BNC2: variants seen among roughly 807,000 people sequenced by gnomAD.
BNC2 encodes the protein basonuclin zinc finger protein 2.
In BNC2, 20 loss-of-function variants were observed where a neutral mutation model predicts 76.3. The observed-to-expected ratio is 0.26, with a 90% confidence interval of 0.18 to 0.38. The LOEUF (loss-of-function observed/expected upper bound fraction) is 0.38. Ranked by LOEUF, BNC2 falls within the 10% of genes least tolerant of loss-of-function variation. BNC2 has a pLI of 1.00. For missense variants in BNC2, 1,382 were observed against 1,399.8 expected (o/e 0.99, Z 0.20); for synonymous variants, 582 against 514.8 (o/e 1.13, Z -1.77).
intron 5 of BNC2, among the ~76,000 whole-genome samples, chr9:16,463,994 T>C (rs1330554325): frequency 7.0e-6 from 1 of 143,396 alleles, no homozygotes; most frequent in Non-Finnish European, 1.5e-5. Context: ...TACTTGAGGC[T>C]GAAACAAGAG....
chr9:16,419,702 G>A, intron 6 of BNC2, 53 bp from the exon 7 acceptor site: 1 of 1,016,032 alleles, frequency 9.8e-7, no homozygotes, highest in East Asian at 2.9e-5. Context: ...GGGGAAAGGT[G>A]AGAAAAAGGA....
chr9:16,814,792 A>C (rs1254675100), intron 1 of BNC2, among the ~76,000 whole-genome samples: 2 of 152,218 alleles, frequency 1.3e-5, no homozygotes, highest in Non-Finnish European at 2.9e-5. Flanking sequence ...CCTATACATT[A>C]TGGTGATTCT....
intron 3 of BNC2, among the ~76,000 whole-genome samples, chr9:16,613,218 G>A (rs1485483364): frequency 6.6e-6 from 1 of 152,162 alleles, no homozygotes; most frequent in Non-Finnish European, 1.5e-5. Context: ...GAGCCTGTAT[G>A]CCTATTGTGC....
chr9:16,562,120 C>A (rs1819034223), intron 4 of BNC2, among the ~76,000 whole-genome samples: 1 of 152,160 alleles, frequency 6.6e-6, no homozygotes, highest in South Asian at 2.1e-4. Flanking sequence ...CTGGAATGTT[C>A]AGAATTCAGA....
At chr9:16,539,337 C>A (rs1007014374) in intron 5 of BNC2, among the ~76,000 whole-genome samples, 1 of 151,380 alleles carries the variant, frequency 6.6e-6, no homozygotes, top group Non-Finnish European at 1.5e-5. Flanking sequence ...CTGGGCAATA[C>A]GATAAAATCC....
At chr9:16,803,245 T>C (rs1817826361) in intron 1 of BNC2, among the ~76,000 whole-genome samples, 1 of 152,226 alleles carries the variant, frequency 6.6e-6, no homozygotes, top group Non-Finnish European at 1.5e-5. Flanking sequence ...CCAAAACATT[T>C]ATTCAAAAGT....
chr9:16,421,631 C>T (rs564135074), intron 6 of BNC2, among the ~76,000 whole-genome samples: 2 of 152,280 alleles, frequency 1.3e-5, no homozygotes, highest in South Asian at 2.1e-4. Context: ...GTTGTCCCCA[C>T]GGTCCCTGCT....
At chr9:16,758,182 T>G (rs1296741499) in intron 1 of BNC2, among the ~76,000 whole-genome samples, 2 of 149,908 alleles carry the variant, frequency 1.3e-5, no homozygotes, top group East Asian at 2.0e-4. Context: ...ATGTTAGAGC[T>G]CTCTTACTAT....
intron 4 of BNC2, among the ~76,000 whole-genome samples, chr9:16,581,746 C>T (rs1010797323): frequency 6.6e-6 from 1 of 152,154 alleles, no homozygotes; most frequent in African/African-American, 2.4e-5. Context: ...CATAAAGAGA[C>T]TGCAGAAGTA....
intron 1 of BNC2, among the ~76,000 whole-genome samples, chr9:16,756,004 C>T (rs1056311743): frequency 5.3e-5 from 8 of 152,150 alleles, no homozygotes; most frequent in East Asian, 1.9e-4. Context: ...GCCAAACCAA[C>T]GCTAGATATG....
chr9:16,731,241 A>C (rs1052666093), intron 2 of BNC2, among the ~76,000 whole-genome samples: 1 of 152,242 alleles, frequency 6.6e-6, no homozygotes, highest in Non-Finnish European at 1.5e-5. Flanking sequence ...AGAAGGAAGA[A>C]GACAAGTATC....
In BNC2 at chr9:16,842,373, T is replaced by C. The variant is rs375337503; in HGVS notation, c.3+28273A>G. On this transcript the variant is annotated intron_variant, in intron 1 of 6. Transcript: ENST00000380672. The stretch of plus-strand genomic sequence containing the variant: ...TGGCACTTGCATTACACAGATACCA[T>C]GCTAGGAATTTTCACATATGTCATC... Among the ~76,000 whole-genome samples the C allele has an allele frequency of 6.6e-4, 101 of 152,330 alleles. 4 individuals are homozygous for C. The South Asian group carries it at 0.02, about 30-fold the overall frequency.
At chr9:16,710,907 T>G (rs1378596054) in intron 3 of BNC2, among the ~76,000 whole-genome samples, 1 of 152,154 alleles carries the variant, frequency 6.6e-6, no homozygotes, top group Non-Finnish European at 1.5e-5. Flanking sequence ...AAACCTAAAT[T>G]AACACTTGAC....
At chr9:16,826,040 G>T (rs1389567042) in intron 1 of BNC2, among the ~76,000 whole-genome samples, 1 of 152,142 alleles carries the variant, frequency 6.6e-6, no homozygotes, top group Non-Finnish European at 1.5e-5. Flanking sequence ...CTGATGACGA[G>T]GGACACAAAT....
intron 5 of BNC2, among the ~76,000 whole-genome samples, chr9:16,444,903 C>G (rs1821200005): frequency 6.6e-6 from 1 of 152,200 alleles, no homozygotes; most frequent in Non-Finnish European, 1.5e-5. Context: ...AAAAGTTTAA[C>G]TGATCTGACT....
At chr9:16,567,097 A>G (rs943748) in intron 4 of BNC2, among the ~76,000 whole-genome samples, 12,751 of 152,168 alleles carry the variant, frequency 0.084, 1,216 homozygotes, top group African/African-American at 0.23. Context: ...GCCTGGATAT[A>G]ATTTCAATAA....
At chr9:16,665,381 A>AG (rs1377236099) in intron 3 of BNC2, among the ~76,000 whole-genome samples, 4 of 48,376 alleles carry the variant, frequency 8.3e-5, no homozygotes, top group African/African-American at 2.0e-4. Flanking sequence ...AAAAAAAAAA[A>AG]AAAAAAGAGA....
chr9:16,685,596 C>T (rs958540505), intron 3 of BNC2: 1 of 1,304,270 alleles, frequency 7.7e-7, no homozygotes, highest in African/African-American at 1.5e-5. Flanking sequence ...AGAAGTCTGC[C>T]CCCAGCACTC....
chr9:16,575,851 C>A (rs762776062), intron 4 of BNC2, among the ~76,000 whole-genome samples: 1 of 152,200 alleles, frequency 6.6e-6, no homozygotes, highest in Non-Finnish European at 1.5e-5. Flanking sequence ...GCTGTTTTCC[C>A]TGAGCAAAAG....
Sources: gnomAD v4.1 joint callset for allele counts (sites outside exome capture counted in the v4.1 genomes callset) on GRCh38, gnomAD v4.1.1 for gene constraint, MANE v1.5 for transcripts, NCBI Gene and HGNC (gene_info 2026-07-23, HGNC 2026-07-21) for gene names.